KIAA1549L: variants seen among roughly 807,000 people sequenced by gnomAD.
KIAA1549L encodes the protein UPF0606 protein KIAA1549L.
In KIAA1549L, 88 loss-of-function variants were observed where a neutral mutation model predicts 160.7. The observed-to-expected ratio is 0.55, with a 90% CI of 0.46 to 0.65. The LOEUF is 0.65. Ranked by LOEUF, KIAA1549L falls within the 30% of genes least tolerant of loss-of-function variation. The probability of loss-of-function intolerance (pLI) is 0.00; values close to 1 mark genes in which losing one functional copy is unlikely to be tolerated. For synonymous variants in KIAA1549L, 950 were observed against 976.7 expected (o/e 0.97, Z 0.51); for missense variants, 2,258 against 2,437.5 (o/e 0.93, Z 1.55).
chr11:33,588,132 T>C (rs1437945881), intron 11 of KIAA1549L, among the ~76,000 whole-genome samples: 1 of 152,190 alleles, frequency 6.6e-6, no homozygotes, highest in Non-Finnish European at 1.5e-5. Context: ...TCTTGAACTA[T>C]AGTGAAGATG....
Position 33,486,188 on chromosome 11 carries a change from C to T in KIAA1549L, c.239-55614C>T, listed in dbSNP as rs115773055. ...TTAGGATGACTTTTTTTCAAAACGA[C>T]GAGAGGTAAATATTGGCGAGGCTGT... is the stretch of plus-strand genomic sequence containing the variant. On this transcript the variant is annotated intron_variant, in intron 1 of 20. Transcript: ENST00000658780. 4.9e-3 allele frequency among the ~76,000 whole-genome samples: 744 copies of T among 151,820 alleles called. 5 individuals are homozygous for T. The highest frequency in any genetic ancestry group is 0.017 in the African/African-American group (715 of 41,366).
chr11:33,514,615 A>G (rs1853302838), intron 1 of KIAA1549L, among the ~76,000 whole-genome samples: 1 of 152,204 alleles, frequency 6.6e-6, no homozygotes, highest in African/African-American at 2.4e-5. Flanking sequence ...TGGTGTCTTT[A>G]TTTAATCACA....
intron 1 of KIAA1549L, among the ~76,000 whole-genome samples, chr11:33,440,232 C>G (rs1292690681): frequency 2.7e-5 from 4 of 147,406 alleles, no homozygotes; most frequent in African/African-American, 1.0e-4. Flanking sequence ...CGGGTTCACG[C>G]CATTCTCCTG....
chr11:33,636,197 G>A (rs1564934526), intron 16 of KIAA1549L, among the ~76,000 whole-genome samples: 2 of 152,122 alleles, frequency 1.3e-5, no homozygotes, highest in Admixed American at 6.6e-5. Context: ...ACTTAATGGT[G>A]GCTCCAAAGG....
chr11:33,657,570 G>T (rs1032230561), intron 18 of KIAA1549L, among the ~76,000 whole-genome samples: 1 of 152,156 alleles, frequency 6.6e-6, no homozygotes, highest in Non-Finnish European at 1.5e-5. Flanking sequence ...GCTGAGGCGG[G>T]TGGATCATTT....
intron 11 of KIAA1549L, among the ~76,000 whole-genome samples, chr11:33,587,472 G>A (rs1849916731): frequency 1.3e-5 from 2 of 152,160 alleles, no homozygotes; most frequent in Non-Finnish European, 2.9e-5. Context: ...ACCTCTCTGA[G>A]CTTTTGTTTT....
At chr11:33,631,052 G>T (rs141867665) in intron 16 of KIAA1549L, among the ~76,000 whole-genome samples, 244 of 152,258 alleles carry the variant, frequency 1.6e-3, no homozygotes, top group African/African-American at 5.6e-3. Flanking sequence ...TGCTCCTGAG[G>T]GTTTGTTCCT....
chr11:33,498,826 C>G (rs1408804143), intron 1 of KIAA1549L, among the ~76,000 whole-genome samples: 1 of 152,114 alleles, frequency 6.6e-6, no homozygotes, highest in African/African-American at 2.4e-5. Context: ...CCATTTTCTT[C>G]CTGCAGAGGG....
At chr11:33,439,081 C>CA (rs1851439331) in intron 1 of KIAA1549L, among the ~76,000 whole-genome samples, 1 of 152,062 alleles carries the variant, frequency 6.6e-6, no homozygotes, top group Admixed American at 6.6e-5. Flanking sequence ...TGTGTGTCAC[C>CA]ACTCCTGGCT....
At chr11:33,583,062 A>G (rs1855693702) in intron 10 of KIAA1549L, among the ~76,000 whole-genome samples, 1 of 152,166 alleles carries the variant, frequency 6.6e-6, no homozygotes, top group South Asian at 2.1e-4. Flanking sequence ...AGTAGTAGTG[A>G]ACTCTAGCAT....
At chr11:33,488,888 G>T (rs1852591988) in intron 1 of KIAA1549L, among the ~76,000 whole-genome samples, 1 of 152,168 alleles carries the variant, frequency 6.6e-6, no homozygotes, top group African/African-American at 2.4e-5. Context: ...ATGCAACAGT[G>T]CTTGGATGTG....
intron 1 of KIAA1549L, among the ~76,000 whole-genome samples, chr11:33,381,445 G>C (rs888751561): frequency 3.9e-5 from 6 of 152,170 alleles, no homozygotes; most frequent in African/African-American, 1.4e-4. Context: ...CTTGAGCAGA[G>C]ATTGTGCTTG....
intron 1 of KIAA1549L, among the ~76,000 whole-genome samples, chr11:33,462,517 C>A (rs555210208): frequency 1.3e-5 from 2 of 152,124 alleles, no homozygotes; most frequent in African/African-American, 4.8e-5. Context: ...TTATGTAATT[C>A]AACCTGTGTC....
At chr11:33,476,825 T>A (rs1226594349) in intron 1 of KIAA1549L, among the ~76,000 whole-genome samples, 1 of 152,246 alleles carries the variant, frequency 6.6e-6, no homozygotes, top group Non-Finnish European at 1.5e-5. Flanking sequence ...CCCTGTCTTA[T>A]CTTTGCTTTT....
At chr11:33,589,378 A>T (rs567135021) in intron 11 of KIAA1549L, among the ~76,000 whole-genome samples, 1 of 152,210 alleles carries the variant, frequency 6.6e-6, no homozygotes, top group South Asian at 2.1e-4. Context: ...ATAGAACTAG[A>T]AATACCATTT....
intron 10 of KIAA1549L, among the ~76,000 whole-genome samples, chr11:33,578,753 C>T (rs147616689): frequency 6.6e-6 from 1 of 152,282 alleles, no homozygotes; most frequent in East Asian, 1.9e-4. Flanking sequence ...GGTTTTCATC[C>T]TGCATGTTCC....
At chr11:33,600,717 T>C (rs890740492) in intron 13 of KIAA1549L, among the ~76,000 whole-genome samples, 13 of 152,186 alleles carry the variant, frequency 8.5e-5, no homozygotes, top group African/African-American at 3.1e-4. Context: ...ACTATGCATA[T>C]GGCAATACAC....
intron 1 of KIAA1549L, among the ~76,000 whole-genome samples, chr11:33,421,785 G>C (rs1483162111): frequency 6.6e-6 from 1 of 152,154 alleles, no homozygotes; most frequent in East Asian, 1.9e-4. Flanking sequence ...TCATACATCA[G>C]TACCAGTGTG....
intron 16 of KIAA1549L, among the ~76,000 whole-genome samples, chr11:33,630,957 G>T (rs568176166): frequency 1.3e-5 from 2 of 152,324 alleles, no homozygotes; most frequent in South Asian, 4.1e-4. Context: ...TAATTTTCGT[G>T]CATGGCCAGG....
Sources: allele counts gnomAD v4.1 joint callset (sites outside exome capture counted in the v4.1 genomes callset), GRCh38; gene constraint gnomAD v4.1.1; transcripts MANE v1.5; gene names NCBI Gene and HGNC (gene_info 2026-07-23, HGNC 2026-07-21).